MRPL42: variants seen among roughly 807,000 people sequenced by gnomAD.
The protein encoded by MRPL42 is large ribosomal subunit protein mL42.
A neutral mutation model predicts 17.9 loss-of-function variants in MRPL42; 17 were observed. That is an observed-to-expected ratio of 0.95 (90% CI 0.65 to 1.42). The LOEUF (loss-of-function observed/expected upper bound fraction) is 1.42. Among genes scored for constraint, MRPL42 ranks in the 40% most tolerant of loss-of-function variants. The pLI is 0.00. For missense variants in MRPL42, 177 were observed against 175.2 expected, an observed-to-expected ratio of 1.01 and a Z score of -0.06; for synonymous variants, 59 against 54.4, an observed-to-expected ratio of 1.08 and a Z score of -0.37.
At chr12:93,496,177 G>T (rs552290603) in intron 5 of MRPL42, among the ~76,000 whole-genome samples, 1 of 152,246 alleles carries the variant, frequency 6.6e-6, no homozygotes, top group Admixed American at 6.5e-5. Flanking sequence ...TCCTGCCTCA[G>T]CCTCCCGAGT....
At chr12:93,481,908 C>T (rs947513607) in intron 4 of MRPL42, among the ~76,000 whole-genome samples, 21 of 152,186 alleles carry the variant, frequency 1.4e-4, no homozygotes, top group African/African-American at 5.1e-4. Flanking sequence ...CTACTTAACC[C>T]AGCACAGACT....
intron 4 of MRPL42, among the ~76,000 whole-genome samples, chr12:93,483,960 A>G (rs976170249): frequency 6.6e-6 from 1 of 152,110 alleles, no homozygotes; most frequent in Non-Finnish European, 1.5e-5. Flanking sequence ...CTAAGACACA[A>G]ACACAGTCTA....
At chr12:93,470,721 C>A in intron 2 of MRPL42, 1 of 289,442 alleles carries the variant, frequency 3.5e-6, no homozygotes, top group Non-Finnish European at 5.8e-6. Context: ...TAGTATTTGG[C>A]TGTTTTTGCA....
At chr12:93,497,608 A>G (rs1395877880) in intron 5 of MRPL42, among the ~76,000 whole-genome samples, 3 of 152,308 alleles carry the variant, frequency 2.0e-5, no homozygotes, top group African/African-American at 4.8e-5. Flanking sequence ...ATTTATGACA[A>G]ACCCACAGCC....
chr12:93,479,128 T>G (rs2121195146), intron 3 of MRPL42, among the ~76,000 whole-genome samples: 1 of 151,218 alleles, frequency 6.6e-6, no homozygotes, highest in Middle Eastern at 3.4e-3. Context: ...GACGGGGTTT[T>G]GCCAGGCTGG....
intron 5 of MRPL42, among the ~76,000 whole-genome samples, chr12:93,489,743 C>G (rs1427391431): frequency 6.6e-6 from 1 of 152,176 alleles, no homozygotes; most frequent in Non-Finnish European, 1.5e-5. Flanking sequence ...GCCATGTTGG[C>G]CAGGCTGGTC....
At chr12:93,478,989 T>C (rs1880326870) in intron 3 of MRPL42, among the ~76,000 whole-genome samples, 1 of 151,210 alleles carries the variant, frequency 6.6e-6, no homozygotes, top group Admixed American at 6.6e-5. Flanking sequence ...TGGAGTGCAG[T>C]GGCGTGATCT....
At chr12:93,479,627 A>AT (rs1880360332) in intron 4 of MRPL42, among the ~76,000 whole-genome samples, 155 bp downstream of exon 4, 1 of 151,662 alleles carries the variant, frequency 6.6e-6, no homozygotes, top group Non-Finnish European at 1.5e-5. Context: ...TCTCTTATTT[A>AT]TTTTTCATCT....
chr12:93,505,044 AT>A lies in MRPL42; in HGVS notation c.*3825del, dbSNP rs1227002125. ...GATTTGGGGTAGGGGCATCTATGAA[AT>A]TCCTGAAATTGTGTAGAATTTTGAG... On this transcript the variant is annotated 3_prime_UTR_variant, in exon 6 of 6. Coordinates refer to ENST00000549982, the MANE Select transcript of MRPL42 (RefSeq NM_014050.4). 1 of 152,182 alleles carries A rather than the reference AT, an allele frequency of 6.6e-6. No individual in the cohort carries two copies. The highest frequency in any genetic ancestry group is 2.4e-5 in the African/African-American group (1 of 41,446). 9.4% of individuals were successfully genotyped at this position (152,182 alleles called of 1,614,324 possible).
chr12:93,470,407 T>G, intron 2 of MRPL42: 1 of 1,156,670 alleles, frequency 8.6e-7, no homozygotes, highest in Non-Finnish European at 1.1e-6. Context: ...AAAGTAGACA[T>G]GTATAGAAGG....
Position 93,469,205 on chromosome 12 carries a change from T to A in MRPL42, c.-81T>A, listed in dbSNP as rs536630967. The A allele has an allele frequency of 6.5e-6, 7 of 1,075,360 alleles. No individual in the cohort carries two copies. The South Asian group carries it at 1.0e-4, about 16-fold the overall frequency. 66.6% of individuals were successfully genotyped at this position (1,075,360 alleles called of 1,614,324 possible). A position where few individuals can be genotyped will look rare whatever the true frequency, so the allele number is the denominator to read the frequency against. ...TCTCTTCAGCAGGAGTAGAAATTGGTATGCTTAGAAGCAGATTCTAAAAGC... is the reference window on the plus strand; with the variant it reads ...TCTCTTCAGCAGGAGTAGAAATTGGAATGCTTAGAAGCAGATTCTAAAAGC... On this transcript the variant is annotated 5_prime_UTR_variant, in exon 2 of 6. Transcript: ENST00000549982.
At position 93,474,829 on chromosome 12, in the gene MRPL42, A is replaced by T. The variant is rs1038579061; in HGVS notation, c.71-2125A>T. Among the ~76,000 whole-genome samples, 21 of 150,680 alleles carry T rather than the reference A, an allele frequency of 1.4e-4. 1 individual carries two copies. Among genetic ancestry groups the T allele is most frequent in the Admixed American group, 1.3e-3 (20 of 15,012 alleles). On this transcript the variant is annotated intron_variant, in intron 2 of 5. Transcript: ENST00000549982. ...AATATGGCCAGGTGCAGTGGCTCAC[A>T]CTGGTAATCCCAGCACTTTGGGAGG...
At position 93,509,158 on chromosome 12, in the gene MRPL42, A is replaced by T. The variant is rs901972021; in HGVS notation, c.*7937A>T. The T allele has an allele frequency of 1.4e-4, 20 of 143,750 alleles. No homozygotes were observed. The East Asian group carries it at 2.3e-3, about 16-fold the overall frequency. The allele number at this position is 143,750 out of a possible 1,614,324, so 8.9% of individuals were successfully genotyped here. ...GGCCAAGATCACACCACTGCACTCC[A>T]GTCTGGGTGATAAAACGAGATTCCG... On this transcript the variant is annotated 3_prime_UTR_variant, in exon 6 of 6. Transcript: ENST00000549982.
intron 5 of MRPL42, among the ~76,000 whole-genome samples, chr12:93,490,092 A>C (rs989056714): frequency 6.6e-6 from 1 of 152,168 alleles, no homozygotes; most frequent in Non-Finnish European, 1.5e-5. Context: ...AATGGCTTTC[A>C]GTACCTGTTT....
chr12:93,469,377 G>C (rs754518836), intron 2 of MRPL42, 22 bp downstream of exon 2: 4 of 1,539,274 alleles, frequency 2.6e-6, no homozygotes, highest in African/African-American at 2.8e-5. Flanking sequence ...TTTTTTTAAT[G>C]TTTAAAAACT....
intron 3 of MRPL42, among the ~76,000 whole-genome samples, 198 bp from the exon 4 acceptor site, chr12:93,479,190 T>C (rs1346841614): frequency 6.6e-6 from 1 of 151,408 alleles, no homozygotes; most frequent in Non-Finnish European, 1.5e-5. Context: ...TACAAAGTGC[T>C]GGGATTACAG....
In MRPL42 at chr12:93,502,459, ATTGT is replaced by A. The variant is rs1404029841; in HGVS notation, c.*1242_*1245del. ...TATGAAAAATAATTTCTCAAAGTCT[ATTGT>A]TTGATCTAGTTATTTTAATAAAGGA... is the stretch of plus-strand genomic sequence containing the variant. On this transcript the variant is annotated 3_prime_UTR_variant, in exon 6 of 6. Transcript: ENST00000549982. 2 of 152,280 alleles carry A rather than the reference ATTGT, an allele frequency of 1.3e-5. No individual in the cohort carries two copies. The highest frequency in any genetic ancestry group is 6.5e-5 in the Admixed American group (1 of 15,288). The allele number at this position is 152,280 out of a possible 1,614,324, so 9.4% of individuals were successfully genotyped here. A position where few individuals can be genotyped will look rare whatever the true frequency, so the allele number is the denominator to read the frequency against.
intron 3 of MRPL42, 108 bp downstream of exon 3, chr12:93,477,125 T>C: frequency 3.7e-6 from 3 of 812,122 alleles, no homozygotes; most frequent in South Asian, 3.8e-5. Flanking sequence ...CATTATTCTT[T>C]CCTTAATTTT....
At position 93,476,998 on chromosome 12, in the gene MRPL42, C is replaced by G. The variant is rs780135361; in HGVS notation, c.115C>G (p.Leu39Val). ...CVCHKSTYSPLPDDYNCNVEL... is the reference protein window; with the variant it reads ...CVCHKSTYSPVPDDYNCNVEL... ...TTGTCATAAATCTACGTATTCTCCT[C>G]TACCAGATGACTATAATTGGTATGT... is the stretch of plus-strand genomic sequence containing the variant. Residue 39 changes from leucine (L) to valine (V), a missense_variant, in exon 3 of 6, where the codon CTA (leucine) becomes GTA (valine). Transcript: ENST00000549982. 8 of 1,603,640 alleles carry G rather than the reference C, an allele frequency of 5.0e-6. No homozygotes were observed. Among genetic ancestry groups the G allele is most frequent in the Non-Finnish European group, 6.8e-6 (8 of 1,172,936 alleles).
Sources: gnomAD v4.1 joint callset for allele counts (sites outside exome capture counted in the v4.1 genomes callset) on GRCh38, gnomAD v4.1.1 for gene constraint, MANE v1.5 for transcripts, NCBI Gene and HGNC (gene_info 2026-07-23, HGNC 2026-07-21) for gene names.